The following SGCZ variants were observed in gnomAD, a reference collection of about 807,000 sequenced individuals.
SGCZ encodes the protein sarcoglycan zeta, also known as zeta-sarcoglycan.
SGCZ carries 40 observed loss-of-function variants against 41.3 expected under a neutral mutation model. That is an observed-to-expected ratio of 0.97 (90% CI 0.75 to 1.26). SGCZ has a LOEUF of 1.26. Ranked by LOEUF, SGCZ falls within the 50% of genes most tolerant of loss-of-function variation. The probability of loss-of-function intolerance (pLI) is 0.00; values close to 1 mark genes in which losing one functional copy is unlikely to be tolerated. For missense variants in SGCZ, 552 were observed against 369.8 expected (o/e 1.49, Z -4.04); for synonymous variants, 206 against 137.5 (o/e 1.50, Z -3.49).
intron 2 of SGCZ, among the ~76,000 whole-genome samples, chr8:14,470,155 A>T (rs1222933171): frequency 6.6e-6 from 1 of 152,094 alleles, no homozygotes. Flanking sequence ...ATTAAAAGAC[A>T]ACTGGTGTCC....
chr8:14,793,596 T>A (rs751709415), intron 1 of SGCZ, among the ~76,000 whole-genome samples: 2 of 152,120 alleles, frequency 1.3e-5, no homozygotes, highest in African/African-American at 2.4e-5. Flanking sequence ...AATAACCCAA[T>A]GCACAGGGCA....
chr8:15,129,987 T>C (rs1430160487), intron 1 of SGCZ, among the ~76,000 whole-genome samples: 1 of 152,104 alleles, frequency 6.6e-6, no homozygotes, highest in Non-Finnish European at 1.5e-5. Context: ...AAAAATGACA[T>C]TGGTGATGCA....
intron 1 of SGCZ, among the ~76,000 whole-genome samples, chr8:14,984,968 C>A (rs1254114737): frequency 6.6e-6 from 1 of 152,022 alleles, no homozygotes; most frequent in Non-Finnish European, 1.5e-5. Flanking sequence ...TAGATTCCAA[C>A]AACAACAGTA....
intron 1 of SGCZ, among the ~76,000 whole-genome samples, chr8:14,588,083 C>G (rs538104753): frequency 6.6e-6 from 1 of 151,556 alleles, no homozygotes; most frequent in African/African-American, 2.4e-5. Flanking sequence ...AACATTTTTG[C>G]TAGAGATCAT....
At chr8:14,590,050 T>G (rs1439881112) in intron 1 of SGCZ, among the ~76,000 whole-genome samples, 1 of 152,144 alleles carries the variant, frequency 6.6e-6, no homozygotes, top group Non-Finnish European at 1.5e-5. Context: ...CTTTGCTACT[T>G]TATGTGTGTA....
chr8:14,352,742 T>C (rs937090579), intron 2 of SGCZ, among the ~76,000 whole-genome samples: 1 of 152,106 alleles, frequency 6.6e-6, no homozygotes, highest in African/African-American at 2.4e-5. Flanking sequence ...TATTTTTGCC[T>C]TGGTCATATA....
At chr8:14,469,219 T>C (rs1409535706) in intron 2 of SGCZ, among the ~76,000 whole-genome samples, 1 of 152,164 alleles carries the variant, frequency 6.6e-6, no homozygotes, top group Admixed American at 6.6e-5. Flanking sequence ...ATCTTACTAC[T>C]ACCTATACAG....
chr8:15,144,574 G>A (rs1229135260), intron 1 of SGCZ, among the ~76,000 whole-genome samples: 2 of 151,800 alleles, frequency 1.3e-5, no homozygotes, highest in African/African-American at 4.8e-5. Context: ...CGATTCTCCT[G>A]CCTCAGCCTC....
chr8:14,715,479 C>G (rs932427684), intron 1 of SGCZ, among the ~76,000 whole-genome samples: 1 of 151,766 alleles, frequency 6.6e-6, no homozygotes, highest in African/African-American at 2.4e-5. Flanking sequence ...ATAACTTCAA[C>G]CTGTAACAAA....
chr8:14,294,368 T>A (rs776673238), intron 3 of SGCZ, among the ~76,000 whole-genome samples: 11 of 151,444 alleles, frequency 7.3e-5, no homozygotes, highest in Admixed American at 3.3e-4. Flanking sequence ...CATCTAAGAG[T>A]TGGAATTGCA....
At chr8:14,887,185 C>T (rs78723251) in intron 1 of SGCZ, among the ~76,000 whole-genome samples, 1 of 152,078 alleles carries the variant, frequency 6.6e-6, no homozygotes, top group Non-Finnish European at 1.5e-5. Flanking sequence ...GAAGTCTTCA[C>T]TGGAGATATA....
intron 1 of SGCZ, among the ~76,000 whole-genome samples, chr8:14,683,786 G>C (rs1446788813): frequency 6.6e-6 from 1 of 152,002 alleles, no homozygotes; most frequent in African/African-American, 2.4e-5. Flanking sequence ...CAGAACCATA[G>C]CATTTTAGGG....
chr8:15,124,464 T>C (rs886207501), intron 1 of SGCZ, among the ~76,000 whole-genome samples: 8 of 152,162 alleles, frequency 5.3e-5, no homozygotes, highest in Non-Finnish European at 1.0e-4. Context: ...CTAATCAAGA[T>C]AGATCATGTT....
intron 2 of SGCZ, among the ~76,000 whole-genome samples, chr8:14,453,544 G>A (rs1800658183): frequency 6.6e-6 from 1 of 152,140 alleles, no homozygotes; most frequent in Non-Finnish European, 1.5e-5. Context: ...AGAAAAAGAA[G>A]CCCAAATTGT....
chr8:14,753,805 C>A (rs187122095), intron 1 of SGCZ, among the ~76,000 whole-genome samples: 16 of 152,282 alleles, frequency 1.1e-4, no homozygotes, highest in African/African-American at 3.8e-4. Context: ...AATTATTATT[C>A]TGGATGGAGA....
chr8:14,207,393 T>C (rs546964837), intron 4 of SGCZ, among the ~76,000 whole-genome samples: 1 of 152,206 alleles, frequency 6.6e-6, no homozygotes, highest in East Asian at 1.9e-4. Context: ...ATTCATTGTT[T>C]TTAGCCTCAT....
rs561240060 is a variant in SGCZ, at chr8:15,069,704, T to A, written c.39+167881A>T. ...CAGTCTTCTCCATTTATTGTGATCA[T>A]CTTGGCATATAATTAACAGAAAGCA... On this transcript the variant is annotated intron_variant, in intron 1 of 7. Coordinates refer to ENST00000382080, the MANE Select transcript of SGCZ (RefSeq NM_139167.4). Among the ~76,000 whole-genome samples, 5 of 152,350 alleles carry A rather than the reference T, an allele frequency of 3.3e-5. No homozygotes were observed. In the East Asian group the frequency reaches 7.7e-4, roughly 23 times the overall value.
chr8:14,263,361 C>T (rs755989574), intron 3 of SGCZ, among the ~76,000 whole-genome samples: 2 of 151,940 alleles, frequency 1.3e-5, no homozygotes, highest in African/African-American at 4.8e-5. Context: ...CCAGCCTGGC[C>T]AACATGATGA....
intron 1 of SGCZ, among the ~76,000 whole-genome samples, chr8:14,980,597 G>C (rs565002631): frequency 6.6e-6 from 1 of 152,140 alleles, no homozygotes; most frequent in Admixed American, 6.5e-5. Flanking sequence ...AGCAAGTCAC[G>C]TCTTACGTGA....
Sources: allele counts gnomAD v4.1 joint callset (sites outside exome capture counted in the v4.1 genomes callset), GRCh38; gene constraint gnomAD v4.1.1; transcripts MANE v1.5; gene names NCBI Gene and HGNC (gene_info 2026-07-23, HGNC 2026-07-21).